Variants in HCRTR2 observed in about 807,000 individuals in gnomAD.
HCRTR2 encodes the protein hypocretin receptor 2, also known as orexin receptor type 2.
A neutral mutation model predicts 49.0 loss-of-function variants in HCRTR2; 22 were observed. That is an observed-to-expected ratio of 0.45 (90% CI 0.32 to 0.64). The LOEUF (loss-of-function observed/expected upper bound fraction) is 0.64. Among genes scored for constraint, HCRTR2 ranks in the 30% least tolerant of loss-of-function variants. The pLI, the probability that HCRTR2 is intolerant of heterozygous loss-of-function variation, is 0.04. For missense variants in HCRTR2, 491 were observed against 559.4 expected, an observed-to-expected ratio of 0.88 and a Z score of 1.23; for synonymous variants, 236 against 205.3, an observed-to-expected ratio of 1.15 and a Z score of -1.28.
intron 1 of HCRTR2, among the ~76,000 whole-genome samples, chr6:55,116,041 C>G (rs1056681715): frequency 2.0e-5 from 3 of 151,560 alleles, no homozygotes; most frequent in Non-Finnish European, 3.0e-5. Flanking sequence ...GATTTTTTGT[C>G]TCAAGACATT....
At chr6:55,156,593 GCA>G (rs143391168) in intron 1 of HCRTR2, among the ~76,000 whole-genome samples, 40 of 146,106 alleles carry the variant, frequency 2.7e-4, no homozygotes, top group Admixed American at 1.0e-3. Context: ...ACACACACAA[GCA>G]CACACACACA....
At chr6:55,276,865 GTTTGC>G (rs555473265) in intron 4 of HCRTR2, among the ~76,000 whole-genome samples, 4 of 152,090 alleles carry the variant, frequency 2.6e-5, no homozygotes, top group Non-Finnish European at 5.9e-5. Flanking sequence ...TCATTCAAAG[GTTTGC>G]TTTGTCCGAA....
At chr6:55,161,510 C>T (rs185442413) in intron 1 of HCRTR2, among the ~76,000 whole-genome samples, 13 of 151,658 alleles carry the variant, frequency 8.6e-5, no homozygotes, top group East Asian at 7.7e-4. Context: ...GAGAGAGACA[C>T]GAAAAACCCT....
chr6:55,256,732 G>A (rs554932397), intron 3 of HCRTR2, among the ~76,000 whole-genome samples: 83 of 151,890 alleles, frequency 5.5e-4, no homozygotes, highest in Admixed American at 9.2e-4. Context: ...AAAATGGTAG[G>A]AATATTTATG....
At chr6:55,253,062 A>G (rs947032091) in intron 2 of HCRTR2, among the ~76,000 whole-genome samples, 1 of 152,032 alleles carries the variant, frequency 6.6e-6, no homozygotes, top group Non-Finnish European at 1.5e-5. Flanking sequence ...ATCACTCCAT[A>G]TGTCAGATGG....
intron 1 of HCRTR2, among the ~76,000 whole-genome samples, chr6:55,144,630 G>A (rs1764554538): frequency 6.6e-6 from 1 of 152,128 alleles, no homozygotes; most frequent in Non-Finnish European, 1.5e-5. Flanking sequence ...TAGAGCGCAC[G>A]TTGGATCCCT....
At chr6:55,242,090 G>A (rs1026481799) in intron 1 of HCRTR2, among the ~76,000 whole-genome samples, 11 of 151,628 alleles carry the variant, frequency 7.3e-5, no homozygotes, top group Non-Finnish European at 1.0e-4. Context: ...GTCTGGTCTC[G>A]AACTCCTGAT....
At chr6:55,116,831 A>G (rs985772115) in intron 1 of HCRTR2, among the ~76,000 whole-genome samples, 1 of 151,724 alleles carries the variant, frequency 6.6e-6, no homozygotes, top group Non-Finnish European at 1.5e-5. Context: ...AAGTTGGTTC[A>G]GAAACTCCCC....
intron 4 of HCRTR2, among the ~76,000 whole-genome samples, chr6:55,271,748 T>C (rs966562681): frequency 6.6e-6 from 1 of 152,172 alleles, no homozygotes; most frequent in South Asian, 2.1e-4. Flanking sequence ...GATATACAAA[T>C]GGTCAATAAG....
chr6:55,196,496 G>A (rs1249584713), intron 1 of HCRTR2, among the ~76,000 whole-genome samples: 10 of 152,074 alleles, frequency 6.6e-5, no homozygotes, highest in Non-Finnish European at 1.5e-4. Context: ...ATCATCTATG[G>A]CACGAGCATA....
At chr6:55,190,823 T>G (rs2127278215) in intron 1 of HCRTR2, among the ~76,000 whole-genome samples, 1 of 152,274 alleles carries the variant, frequency 6.6e-6, no homozygotes, top group East Asian at 1.9e-4. Context: ...TATGCCTGAC[T>G]TATCAAGTCA....
chr6:55,205,367 G>C (rs1029636387), intron 1 of HCRTR2, among the ~76,000 whole-genome samples: 1 of 152,302 alleles, frequency 6.6e-6, no homozygotes, highest in Admixed American at 6.5e-5. Flanking sequence ...GGCTGGGGAA[G>C]AAGGAATCTA....
At chr6:55,215,416 A>G (rs943786693) in intron 1 of HCRTR2, among the ~76,000 whole-genome samples, 2 of 152,206 alleles carry the variant, frequency 1.3e-5, no homozygotes, top group African/African-American at 4.8e-5. Context: ...CCTGCCTTAC[A>G]AGAAATGCTA....
chr6:55,237,866 G>T lies in HCRTR2; in HGVS notation c.224-10773G>T, dbSNP rs183160244. On this transcript the variant is annotated intron_variant, in intron 1 of 6. Transcript: ENST00000370862. ...CTTCAGAGAACAATTGGCACTTTCTGGATATTCTCAACCAGGAGTATGTGG... is the reference window on the plus strand; with the variant it reads ...CTTCAGAGAACAATTGGCACTTTCTTGATATTCTCAACCAGGAGTATGTGG... 2.6e-5 allele frequency among the ~76,000 whole-genome samples: 4 copies of T among 152,224 alleles called. No individual in the cohort carries two copies. In the East Asian group the frequency reaches 7.7e-4, roughly 29 times the overall value.
chr6:55,244,972 G>T (rs181816842), intron 1 of HCRTR2, among the ~76,000 whole-genome samples: 124 of 151,998 alleles, frequency 8.2e-4, no homozygotes, highest in Non-Finnish European at 1.2e-4. Context: ...ATTGCCTGTA[G>T]GTATGTGGTT....
chr6:55,206,933 A>G (rs2127288848), intron 1 of HCRTR2, among the ~76,000 whole-genome samples: 1 of 152,214 alleles, frequency 6.6e-6, no homozygotes. Flanking sequence ...ACACTTGTCT[A>G]GAAGACAGGA....
At chr6:55,201,426 T>A (rs552478296) in intron 1 of HCRTR2, among the ~76,000 whole-genome samples, 1 of 152,214 alleles carries the variant, frequency 6.6e-6, no homozygotes, top group Non-Finnish European at 1.5e-5. Context: ...ATAAGGTACA[T>A]CTAGAATACT....
At chr6:55,136,544 A>G (rs1290525479) in intron 1 of HCRTR2, among the ~76,000 whole-genome samples, 1 of 152,214 alleles carries the variant, frequency 6.6e-6, no homozygotes, top group Non-Finnish European at 1.5e-5. Context: ...AACTCTGCGT[A>G]CACTGTGTAA....
chr6:55,157,602 A>G (rs1368039539), intron 1 of HCRTR2, among the ~76,000 whole-genome samples: 1 of 152,228 alleles, frequency 6.6e-6, no homozygotes, highest in Non-Finnish European at 1.5e-5. Flanking sequence ...GTTGGCTTCT[A>G]GTTTGACCCA....
Sources: allele counts gnomAD v4.1 joint callset (sites outside exome capture counted in the v4.1 genomes callset), GRCh38; gene constraint gnomAD v4.1.1; transcripts MANE v1.5; gene names NCBI Gene and HGNC (gene_info 2026-07-23, HGNC 2026-07-21).